Variants in NTNG1 observed in about 807,000 individuals in gnomAD.
NTNG1 encodes the protein netrin G1, also known as netrin-G1.
In NTNG1, 16 loss-of-function variants were observed where a neutral mutation model predicts 54.0. The ratio of observed to expected loss-of-function variants is 0.30; its 90% confidence interval spans 0.20 to 0.45. The LOEUF (loss-of-function observed/expected upper bound fraction) is 0.45. Among genes scored for constraint, NTNG1 ranks in the 20% least tolerant of loss-of-function variants. The probability of loss-of-function intolerance (pLI) is 1.00; values close to 1 mark genes in which losing one functional copy is unlikely to be tolerated. For synonymous variants in NTNG1, 255 were observed against 263.1 expected, an observed-to-expected ratio of 0.97 and a Z score of 0.30; for missense variants, 530 against 678.7, an observed-to-expected ratio of 0.78 and a Z score of 2.43.
intron 2 of NTNG1, among the ~76,000 whole-genome samples, chr1:107,207,493 G>A (rs1418318964): frequency 6.6e-6 from 1 of 152,080 alleles, no homozygotes. Flanking sequence ...GTACTTATTT[G>A]CTTTTTTAAA....
At chr1:107,206,038 T>C (rs1222202628) in intron 2 of NTNG1, among the ~76,000 whole-genome samples, 1 of 152,180 alleles carries the variant, frequency 6.6e-6, no homozygotes, top group Non-Finnish European at 1.5e-5. Flanking sequence ...GTATGAAGAT[T>C]TTCATAGTTT....
chr1:107,297,248 C>CATATATATAT (rs1557878514), intron 2 of NTNG1, among the ~76,000 whole-genome samples: 5,633 of 62,964 alleles, frequency 0.089, 352 homozygotes, highest in Non-Finnish European at 0.11. Context: ...TATATATATG[C>CATATATATAT]GCACACACAC....
In NTNG1 at chr1:107,478,132, G is replaced by C. The variant is rs555690684; in HGVS notation, c.1391-2479G>C. Among the ~76,000 whole-genome samples, 5 of 152,236 alleles carry C rather than the reference G, an allele frequency of 3.3e-5. 1 individual carries two copies. The highest frequency in any genetic ancestry group is 1.2e-4 in the African/African-American group (5 of 41,544). ...GATGGAGCATGATTATGAATATCAG[G>C]TAAGATCCATAATTAGGTTAGATGT... On this transcript the variant is annotated intron_variant, in intron 7 of 7. Coordinates refer to ENST00000370068, the MANE Select transcript of NTNG1 (RefSeq NM_001113226.3).
intron 2 of NTNG1, among the ~76,000 whole-genome samples, chr1:107,265,646 T>C (rs964152287): frequency 2.0e-5 from 3 of 152,228 alleles, no homozygotes; most frequent in African/African-American, 4.8e-5. Flanking sequence ...TACAACTGGC[T>C]CTAAATCAGC....
At chr1:107,209,493 T>C (rs1659455778) in intron 2 of NTNG1, among the ~76,000 whole-genome samples, 1 of 152,150 alleles carries the variant, frequency 6.6e-6, no homozygotes, top group Admixed American at 6.5e-5. Context: ...GAAGTCTTCT[T>C]GCATTGGCTA....
chr1:107,182,750 G>GGAAA (rs1279871701), intron 2 of NTNG1, among the ~76,000 whole-genome samples: 1 of 152,106 alleles, frequency 6.6e-6, no homozygotes, highest in East Asian at 1.9e-4. Context: ...ATTCACAAAG[G>GGAAA]GAAAGCAGGG....
chr1:107,359,941 G>A (rs774063404), intron 3 of NTNG1, among the ~76,000 whole-genome samples: 1 of 151,980 alleles, frequency 6.6e-6, no homozygotes, highest in Non-Finnish European at 1.5e-5. Context: ...AAACAGTTGG[G>A]CCCAATCTGG....
At chr1:107,172,218 T>C (rs1656301999) in intron 2 of NTNG1, among the ~76,000 whole-genome samples, 1 of 152,100 alleles carries the variant, frequency 6.6e-6, no homozygotes, top group African/African-American at 2.4e-5. Context: ...CAAAGGGTGT[T>C]GTCTATCACG....
At chr1:107,235,076 A>C (rs773025744) in intron 2 of NTNG1, among the ~76,000 whole-genome samples, 37 of 152,188 alleles carry the variant, frequency 2.4e-4, no homozygotes, top group Non-Finnish European at 3.5e-4. Context: ...TCAGTGCAGC[A>C]ATTGGGGTTT....
intron 2 of NTNG1, among the ~76,000 whole-genome samples, chr1:107,214,917 A>G (rs1659851906): frequency 6.6e-6 from 1 of 150,860 alleles, no homozygotes; most frequent in Non-Finnish European, 1.5e-5. Context: ...TTTTTTGGCC[A>G]TTTGTATATA....
rs71098633 is a variant in NTNG1, at chr1:107,482,055, C to CAAAAAAAAAAAAAAAAAAAAAAAAAAA, written c.*1216_*1242dup. Reference sequence around the variant, plus strand: ...TTCCACTTGGGAAAAATTACAACAGCAAAAAAAAAAAAAAAAAAAAAAAAA... The same window carrying CAAAAAAAAAAAAAAAAAAAAAAAAAAA: ...TTCCACTTGGGAAAAATTACAACAGCAAAAAAAAAAAAAAAAAAAAAAAAAAAAAAAAAAAAAAAAAAAAAAAAAAAA... On this transcript the variant is annotated 3_prime_UTR_variant, in exon 8 of 8. Coordinates refer to ENST00000370068, the MANE Select transcript of NTNG1 (RefSeq NM_001113226.3). The CAAAAAAAAAAAAAAAAAAAAAAAAAAA allele has an allele frequency of 5.2e-5, 6 of 114,498 alleles. No individual in the cohort carries two copies. The highest frequency in any genetic ancestry group is 9.0e-5 in the Non-Finnish European group (5 of 55,492). The allele number at this position is 114,498 out of a possible 1,614,324, so 7.1% of individuals were successfully genotyped here. A position where few individuals can be genotyped will look rare whatever the true frequency, so the allele number is the denominator to read the frequency against.
At chr1:107,245,173 A>G (rs1396584576) in intron 2 of NTNG1, among the ~76,000 whole-genome samples, 4 of 152,214 alleles carry the variant, frequency 2.6e-5, no homozygotes, top group Admixed American at 6.5e-5. Flanking sequence ...CCTTTTAAAC[A>G]ATAAACACTT....
At chr1:107,448,627 A>T (rs1203970102) in intron 7 of NTNG1, among the ~76,000 whole-genome samples, 1 of 152,060 alleles carries the variant, frequency 6.6e-6, no homozygotes, top group Non-Finnish European at 1.5e-5. Flanking sequence ...GGATAAACTG[A>T]CTCAAGCCCA....
At chr1:107,433,881 T>C (rs1396393420) in intron 6 of NTNG1, among the ~76,000 whole-genome samples, 1 of 152,218 alleles carries the variant, frequency 6.6e-6, no homozygotes, top group Non-Finnish European at 1.5e-5. Context: ...AGGTTTGCCC[T>C]ATGAGACAGC....
At chr1:107,164,208 C>T (rs1655606418) in intron 2 of NTNG1, among the ~76,000 whole-genome samples, 1 of 152,192 alleles carries the variant, frequency 6.6e-6, no homozygotes, top group African/African-American at 2.4e-5. Flanking sequence ...GGAGAGCAGG[C>T]TGGATCTCAG....
intron 2 of NTNG1, among the ~76,000 whole-genome samples, chr1:107,184,032 C>T (rs912357969): frequency 6.6e-6 from 1 of 152,124 alleles, no homozygotes; most frequent in Non-Finnish European, 1.5e-5. Context: ...TCAGTCAGTA[C>T]AATCGATCTA....
chr1:107,443,818 A>G (rs1024133495), intron 7 of NTNG1, among the ~76,000 whole-genome samples: 18 of 152,214 alleles, frequency 1.2e-4, no homozygotes, highest in African/African-American at 4.3e-4. Flanking sequence ...TAATTTCCTT[A>G]GTATCATTAG....
intron 2 of NTNG1, among the ~76,000 whole-genome samples, chr1:107,265,761 T>G (rs1290861257): frequency 6.6e-6 from 1 of 152,194 alleles, no homozygotes. Context: ...TGGTGAGAAG[T>G]AGAAGAAATT....
intron 2 of NTNG1, among the ~76,000 whole-genome samples, chr1:107,191,459 T>C (rs1352146611): frequency 6.6e-6 from 1 of 151,850 alleles, no homozygotes; most frequent in Non-Finnish European, 1.5e-5. Flanking sequence ...ATTGTGGCTT[T>C]TGTTGCCATT....
Sources: allele counts gnomAD v4.1 joint callset (sites outside exome capture counted in the v4.1 genomes callset), GRCh38; gene constraint gnomAD v4.1.1; transcripts MANE v1.5; gene names NCBI Gene and HGNC (gene_info 2026-07-23, HGNC 2026-07-21).